GALNTL6: variants seen among roughly 807,000 people sequenced by gnomAD.
GALNTL6 encodes polypeptide N-acetylgalactosaminyltransferase-like 6.
GALNTL6 carries 46 observed loss-of-function variants against 73.7 expected under a neutral mutation model. That is an observed-to-expected ratio of 0.62 (90% confidence interval 0.49 to 0.80). The LOEUF (loss-of-function observed/expected upper bound fraction) is 0.80. Ranked by LOEUF, GALNTL6 falls within the 30% of genes least tolerant of loss-of-function variation. GALNTL6 has a pLI of 0.00. For synonymous variants in GALNTL6, 259 were observed against 263.7 expected (o/e 0.98, Z 0.17); for missense variants, 604 against 755.0 (o/e 0.80, Z 2.34).
intron 4 of GALNTL6, among the ~76,000 whole-genome samples, chr4:172,313,250 C>T (rs964718641): frequency 2.6e-5 from 4 of 151,672 alleles, no homozygotes; most frequent in Non-Finnish European, 5.9e-5. Context: ...CTCAGCCTCC[C>T]GAGTAGCTGG....
intron 5 of GALNTL6, among the ~76,000 whole-genome samples, chr4:172,349,405 C>T (rs1741865063): frequency 6.6e-6 from 1 of 152,010 alleles, no homozygotes; most frequent in Non-Finnish European, 1.5e-5. Flanking sequence ...GAAAGAATGA[C>T]AGTAAAATAT....
At chr4:172,860,778 TA>T (rs1744354299) in intron 7 of GALNTL6, among the ~76,000 whole-genome samples, 2 of 152,326 alleles carry the variant, frequency 1.3e-5, no homozygotes. Flanking sequence ...CAAATCACAT[TA>T]ATGATGCTTA....
intron 8 of GALNTL6, among the ~76,000 whole-genome samples, chr4:172,903,530 C>G (rs1746733257): frequency 6.6e-6 from 1 of 152,160 alleles, no homozygotes; most frequent in Non-Finnish European, 1.5e-5. Context: ...AGTAGGAAAG[C>G]ATATAAACTA....
At chr4:172,759,078 C>G (rs1737917485) in intron 5 of GALNTL6, among the ~76,000 whole-genome samples, 1 of 152,194 alleles carries the variant, frequency 6.6e-6, no homozygotes, top group Non-Finnish European at 1.5e-5. Context: ...TGGTGTAGCT[C>G]TGAGCCTTCA....
At chr4:172,867,976 C>A (rs1160850670) in intron 7 of GALNTL6, among the ~76,000 whole-genome samples, 1 of 152,182 alleles carries the variant, frequency 6.6e-6, no homozygotes, top group Non-Finnish European at 1.5e-5. Flanking sequence ...CTCTTGCACA[C>A]ATAGTTGCAT....
intron 12 of GALNTL6, 94 bp downstream of exon 12, chr4:173,021,719 C>T (rs1454455583): frequency 2.1e-5 from 27 of 1,306,314 alleles, no homozygotes; most frequent in Non-Finnish European, 2.4e-5. Flanking sequence ...TTAGGCCTGG[C>T]GCAGTCACTC....
chr4:171,830,616 T>G (rs916652229), intron 2 of GALNTL6, among the ~76,000 whole-genome samples: 2 of 152,272 alleles, frequency 1.3e-5, no homozygotes, highest in Non-Finnish European at 2.9e-5. Flanking sequence ...TAATGTTCCA[T>G]TTGCATATTT....
intron 5 of GALNTL6, among the ~76,000 whole-genome samples, chr4:172,469,958 G>A (rs1732983949): frequency 6.6e-6 from 1 of 152,140 alleles, no homozygotes; most frequent in South Asian, 2.1e-4. Flanking sequence ...GGCTCACCTT[G>A]AAGAAATGTA....
chr4:172,472,658 G>A (rs1733093489), intron 5 of GALNTL6, among the ~76,000 whole-genome samples: 1 of 152,080 alleles, frequency 6.6e-6, no homozygotes, highest in African/African-American at 2.4e-5. Context: ...GACACAGGAA[G>A]GAAGAGAAGA....
intron 3 of GALNTL6, among the ~76,000 whole-genome samples, chr4:172,251,026 TAGTC>T (rs1432866651): frequency 6.6e-6 from 1 of 151,498 alleles, no homozygotes; most frequent in Admixed American, 6.6e-5. Flanking sequence ...AAGCTTGTAT[TAGTC>T]AGGGTTGTCC....
At chr4:172,225,328 G>A (rs945915088) in intron 2 of GALNTL6, among the ~76,000 whole-genome samples, 2 of 151,694 alleles carry the variant, frequency 1.3e-5, no homozygotes, top group African/African-American at 4.9e-5. Context: ...AGGTATGCAA[G>A]CATACCTAGT....
chr4:172,860,877 A>G (rs1188106258), intron 7 of GALNTL6, among the ~76,000 whole-genome samples: 1 of 152,150 alleles, frequency 6.6e-6, no homozygotes, highest in Non-Finnish European at 1.5e-5. Context: ...CAACTTGGAA[A>G]CAATCTTTCC....
At chr4:172,740,931 A>C (rs546389585) in intron 5 of GALNTL6, among the ~76,000 whole-genome samples, 1 of 152,314 alleles carries the variant, frequency 6.6e-6, no homozygotes, top group Non-Finnish European at 1.5e-5. Flanking sequence ...AGAAACACAC[A>C]TGAAATAAGA....
intron 2 of GALNTL6, among the ~76,000 whole-genome samples, chr4:172,051,206 C>A (rs1454158285): frequency 6.6e-6 from 1 of 152,060 alleles, no homozygotes; most frequent in African/African-American, 2.4e-5. Context: ...CGGGCAGGTG[C>A]AGGAGCTGAG....
intron 2 of GALNTL6, among the ~76,000 whole-genome samples, chr4:171,939,934 G>A (rs1207726386): frequency 6.6e-6 from 1 of 152,050 alleles, no homozygotes; most frequent in Non-Finnish European, 1.5e-5. Context: ...ATATAATAAA[G>A]TCCTAAGTAG....
At chr4:172,057,982 T>G (rs954408300) in intron 2 of GALNTL6, among the ~76,000 whole-genome samples, 1 of 152,064 alleles carries the variant, frequency 6.6e-6, no homozygotes, top group African/African-American at 2.4e-5. Flanking sequence ...TGACTTCATT[T>G]GTGTGCTTGT....
chr4:172,761,156 G>A (rs1311457499), intron 5 of GALNTL6, among the ~76,000 whole-genome samples: 2 of 151,956 alleles, frequency 1.3e-5, no homozygotes, highest in Non-Finnish European at 2.9e-5. Flanking sequence ...ATAAATACTT[G>A]CCTTTCAGGA....
intron 2 of GALNTL6, among the ~76,000 whole-genome samples, chr4:172,175,199 C>A (rs1734952731): frequency 6.6e-6 from 1 of 152,016 alleles, no homozygotes; most frequent in Non-Finnish European, 1.5e-5. Flanking sequence ...GCCTCAGCCT[C>A]CCAAGTAGCT....
At chr4:172,717,025 C>T (rs1459183031) in intron 5 of GALNTL6, among the ~76,000 whole-genome samples, 1 of 152,074 alleles carries the variant, frequency 6.6e-6, no homozygotes. Flanking sequence ...TTTGTGGATG[C>T]CCCTATATAT....
Sources: allele counts gnomAD v4.1 joint callset (sites outside exome capture counted in the v4.1 genomes callset), GRCh38; gene constraint gnomAD v4.1.1; transcripts MANE v1.5; gene names NCBI Gene and HGNC (gene_info 2026-07-23, HGNC 2026-07-21).